The following MCMBP variants were observed in gnomAD, a reference collection of about 807,000 sequenced individuals.
MCMBP encodes the protein mini-chromosome maintenance complex-binding protein.
In MCMBP, 31 loss-of-function variants were observed where a neutral mutation model predicts 81.3. That is an observed-to-expected ratio of 0.38 (90% CI 0.29 to 0.51). The LOEUF (loss-of-function observed/expected upper bound fraction) is 0.51, where lower values mean the gene tolerates loss of function less well. Ranked by LOEUF, MCMBP falls within the 20% of genes least tolerant of loss-of-function variation. The pLI, the probability that MCMBP is intolerant of heterozygous loss-of-function variation, is 0.87. For missense variants in MCMBP, 645 were observed against 772.1 expected (o/e 0.84, Z 1.95); for synonymous variants, 267 against 275.9 (o/e 0.97, Z 0.32).
At chr10:119,848,182 C>T (rs1168315617) in intron 7 of MCMBP, among the ~76,000 whole-genome samples, 1 of 150,160 alleles carries the variant, frequency 6.7e-6, no homozygotes, top group Non-Finnish European at 1.5e-5. Context: ...AAAAAAAAAA[C>T]CTTTCAAAAT....
At chr10:119,859,989 A>C in intron 1 of MCMBP, 105 bp from the exon 2 acceptor site, 1 of 764,820 alleles carries the variant, frequency 1.3e-6, no homozygotes, top group East Asian at 2.5e-5. Flanking sequence ...AAACAAACTA[A>C]AATTAGCTAC....
chr10:119,863,483 G>T (rs999854047), intron 1 of MCMBP, among the ~76,000 whole-genome samples: 3 of 152,106 alleles, frequency 2.0e-5, no homozygotes, highest in African/African-American at 7.2e-5. Context: ...TGTAATCCCA[G>T]CACTTTGGGA....
At chr10:119,853,582 G>C (rs1286117173) in intron 5 of MCMBP, among the ~76,000 whole-genome samples, 2 of 152,214 alleles carry the variant, frequency 1.3e-5, no homozygotes, top group Admixed American at 1.3e-4. Flanking sequence ...GGGTGGAGAA[G>C]ACAGAGCACA....
At chr10:119,834,861 C>CAAAAAAAAAAAAAAAAA (rs71019725) in intron 14 of MCMBP, among the ~76,000 whole-genome samples, 1 of 67,282 alleles carries the variant, frequency 1.5e-5, no homozygotes, top group East Asian at 4.2e-4. Flanking sequence ...GACCCTGTCT[C>CAAAAAAAAAAAAAAAAA]AAAAAAAAAA....
At chr10:119,835,786 A>G (rs1471626428) in intron 13 of MCMBP, 82 bp from the exon 14 acceptor site, 2 of 1,421,108 alleles carry the variant, frequency 1.4e-6, no homozygotes, top group Admixed American at 1.9e-5. Flanking sequence ...CATCTCTGTC[A>G]GCCCCTATGG....
intron 8 of MCMBP, among the ~76,000 whole-genome samples, chr10:119,846,945 A>G (rs1852638515): frequency 6.6e-6 from 1 of 152,138 alleles, no homozygotes; most frequent in Non-Finnish European, 1.5e-5. Flanking sequence ...CATGAAAGAC[A>G]AAGGCTGAGG....
chr10:119,868,121 T>C lies in MCMBP; in HGVS notation c.58+4406A>G, dbSNP rs187101368. On this transcript the variant is annotated intron_variant, in intron 1 of 15. Transcript: ENST00000369077. ...ATAATGATCTTGGTCTAACCAATAG[T>C]TGAAGGGAAAACAGCTAAAGAGGCT... 9.0e-4 allele frequency among the ~76,000 whole-genome samples: 137 copies of C among 152,136 alleles called. 1 individual carries two copies. The highest frequency in any genetic ancestry group is 1.2e-4 in the Non-Finnish European group (8 of 68,004).
At chr10:119,850,442 C>T (rs1366035960) in intron 6 of MCMBP, among the ~76,000 whole-genome samples, 2 of 152,068 alleles carry the variant, frequency 1.3e-5, no homozygotes, top group Non-Finnish European at 2.9e-5. Context: ...CATGAATCTA[C>T]CTATGCGATA....
Position 119,843,427 on chromosome 10 carries a change from CTG to C in MCMBP, c.828-3_828-2del. Reference sequence around the variant, plus strand: ...CGGATCCAGCAGTGCAGAGGCATCCCTGTGGAGAGGTGATAAAGTTTCAATTT... The same window carrying C: ...CGGATCCAGCAGTGCAGAGGCATCCCTGGAGAGGTGATAAAGTTTCAATTT... On this transcript the variant is annotated splice_acceptor_variant and splice_polypyrimidine_tract_variant and intron_variant, in intron 8 of 15. Coordinates refer to ENST00000369077, the MANE Select transcript of MCMBP (RefSeq NM_001256378.2). LOFTEE classifies it high-confidence loss of function. The C allele has an allele frequency of 6.2e-7, 1 of 1,612,126 alleles. No homozygotes were observed. Among genetic ancestry groups the C allele is most frequent in the Non-Finnish European group, 8.5e-7 (1 of 1,178,610 alleles).
At chr10:119,868,574 T>C (rs998133287) in intron 1 of MCMBP, among the ~76,000 whole-genome samples, 1 of 152,202 alleles carries the variant, frequency 6.6e-6, no homozygotes, top group Non-Finnish European at 1.5e-5. Context: ...TCTAAGAAAT[T>C]AGGATACAGT....
chr10:119,847,284 G>A (rs896455362), intron 8 of MCMBP, among the ~76,000 whole-genome samples: 1 of 152,116 alleles, frequency 6.6e-6, no homozygotes, highest in Non-Finnish European at 1.5e-5. Flanking sequence ...TATAGATTGT[G>A]GATTAGTGTA....
At position 119,832,029 on chromosome 10, in the gene MCMBP, C is replaced by T. The variant is rs1564867496; in HGVS notation, c.1779G>A (p.Gln593=). 4 of 1,611,796 alleles carry T rather than the reference C, an allele frequency of 2.5e-6. No individual in the cohort carries two copies. Among genetic ancestry groups the T allele is most frequent in the South Asian group, 2.2e-5 (2 of 90,626 alleles). The stretch of plus-strand genomic sequence containing the variant: ...CCACTTACCGAGCCACCACGAGCAG[C>T]TGGTGAAGATCATCAGCAGTGATGC... ...PQSITADDLH[Q]LLVVARCLSL... Residue 593 remains glutamine (Q), a synonymous_variant, in exon 15 of 16, where the codon CAG becomes CAA. Coordinates refer to ENST00000369077, the MANE Select transcript of MCMBP (RefSeq NM_001256378.2).
intron 11 of MCMBP, among the ~76,000 whole-genome samples, chr10:119,840,294 G>C (rs897739900): frequency 2.6e-5 from 4 of 152,104 alleles, no homozygotes; most frequent in African/African-American, 7.2e-5. Context: ...GTTCAATAAA[G>C]ATCTAGTGCA....
At chr10:119,858,317 C>T (rs141425181) in intron 4 of MCMBP, 1 of 152,158 alleles carries the variant, frequency 6.6e-6, no homozygotes, top group Non-Finnish European at 1.5e-5. Flanking sequence ...GAGAAAGGTA[C>T]CTTAGGCCTA....
Position 119,868,146 on chromosome 10 carries a change from T to C in MCMBP, c.58+4381A>G, listed in dbSNP as rs536623996. Among the ~76,000 whole-genome samples, 41 of 152,246 alleles carry C rather than the reference T, an allele frequency of 2.7e-4. 2 individuals carry two copies. The South Asian group carries it at 4.1e-3, about 15-fold the overall frequency. ...TTGAAGGGAAAACAGCTAAAGAGGC[T>C]GGGCGCAGCAGCTCACACCTGAGAT... On this transcript the variant is annotated intron_variant, in intron 1 of 15. Coordinates refer to ENST00000369077, the MANE Select transcript of MCMBP (RefSeq NM_001256378.2).
chr10:119,872,436 G>A lies in MCMBP; in HGVS notation c.58+91C>T, dbSNP rs993633764. Reference sequence around the variant, plus strand: ...TCGGGCCACGCGAGCCCTCGAGATGGTACCGCGTGGGGGCCGCGCGGCGGG... The same window carrying A: ...TCGGGCCACGCGAGCCCTCGAGATGATACCGCGTGGGGGCCGCGCGGCGGG... On this transcript the variant is annotated intron_variant, in intron 1 of 15. Coordinates refer to ENST00000369077, the MANE Select transcript of MCMBP (RefSeq NM_001256378.2). 1.4e-4 allele frequency: 108 copies of A among 764,876 alleles called. No homozygotes were observed. The African/African-American group carries it at 1.9e-3, about 14-fold the overall frequency. The allele number at this position is 764,876 out of a possible 1,614,324, so 47.4% of individuals were successfully genotyped here. A position where few individuals can be genotyped will look rare whatever the true frequency, so the allele number is the denominator to read the frequency against.
Position 119,853,150 on chromosome 10 carries a change from G to A in MCMBP, c.474C>T (p.Ser158=), listed in dbSNP as rs1249678781. The change falls in exon 6 of 16, where the codon TCC becomes TCT. Residue 158 remains serine, a synonymous_variant. Transcript: ENST00000369077. The stretch of plus-strand genomic sequence containing the variant: ...TCCTCTTGTGGCGACTAGGAGTGTA[G>A]GATGTTGAGGGACTGACTCGAGCTT... ...ANQARVSPST[S]YTPSRHKRSY... is the part of the protein sequence containing the mutation. 2 of 1,614,066 alleles carry A rather than the reference G, an allele frequency of 1.2e-6. No homozygotes were observed. Among genetic ancestry groups the A allele is most frequent in the African/African-American group, 1.3e-5 (1 of 74,934 alleles).
chr10:119,857,350 C>T lies in MCMBP; in HGVS notation c.417G>A (p.Thr139=), dbSNP rs752084145. 115 of 1,608,084 alleles carry T rather than the reference C, an allele frequency of 7.2e-5. No homozygotes were observed. The highest frequency in any genetic ancestry group is 6.7e-4 in the South Asian group (61 of 90,548). Residue 139 remains threonine (T), a synonymous_variant, in exon 5 of 16, where the codon ACG becomes ACA. Coordinates refer to ENST00000369077, the MANE Select transcript of MCMBP (RefSeq NM_001256378.2). ...FYCVPVPGES[T]WVKEAYVNAN... ...AGATAAAGGATATTTCTTTTACCCA[C>T]GTAGATTCCCCAGGCACCGGAACAC...
intron 9 of MCMBP, 170 bp from the exon 10 acceptor site, chr10:119,842,765 T>TA: frequency 1.6e-6 from 1 of 631,676 alleles, no homozygotes; most frequent in Non-Finnish European, 2.5e-6. Flanking sequence ...GTTTGCATCC[T>TA]CCTTTTTTTT....
Sources: gnomAD v4.1 joint callset for allele counts (sites outside exome capture counted in the v4.1 genomes callset) on GRCh38, gnomAD v4.1.1 for gene constraint, MANE v1.5 for transcripts, NCBI Gene and HGNC (gene_info 2026-07-23, HGNC 2026-07-21) for gene names.